The following NR2F2 variants were observed in gnomAD, a reference collection of about 807,000 sequenced individuals.
NR2F2 encodes the protein nuclear receptor subfamily 2 group F member 2.
Under a neutral mutation model 34.8 loss-of-function variants are expected in NR2F2, and 2 were observed. The ratio of observed to expected loss-of-function variants is 0.06; its 90% confidence interval spans 0.02 to 0.18. The LOEUF is 0.18. NR2F2 is among the 10% of genes least tolerant of loss of function. The pLI, the probability that NR2F2 is intolerant of heterozygous loss-of-function variation, is 1.00. For synonymous variants in NR2F2, 274 were observed against 251.8 expected (o/e 1.09, Z -0.84); for missense variants, 300 against 580.1 (o/e 0.52, Z 4.96).
rs1899249498 is a variant in NR2F2 at position 96,334,167 on chromosome 15, G to A, written c.534G>A (p.Leu178=). The A allele has an allele frequency of 1.2e-6, 2 of 1,614,114 alleles. No individual in the cohort carries two copies. Among genetic ancestry groups the A allele is most frequent in the Non-Finnish European group, 1.7e-6 (2 of 1,180,042 alleles). ...NGDPLNCHSY[L]SGYISLLLRA... ...ATCCCCTCAACTGCCACTCGTACCT[G>A]TCCGGATATATTTCCCTGCTGTTGC... is the stretch of plus-strand genomic sequence containing the variant. Residue 178 remains leucine (L), a synonymous_variant, in exon 2 of 3, where the codon CTG becomes CTA. Coordinates refer to ENST00000394166, the MANE Select transcript of NR2F2 (RefSeq NM_021005.4).
rs945329529 is a variant in NR2F2 at position 96,339,129 on chromosome 15, T to G, written c.*1507T>G. On this transcript the variant is annotated 3_prime_UTR_variant, in exon 3 of 3. Coordinates refer to ENST00000394166, the MANE Select transcript of NR2F2 (RefSeq NM_021005.4). Reference sequence around the variant, plus strand: ...AAAAGGCCCTTATATTTGTCACACTTAAGTGCCTGCTTAGGGAAGGTATTG... The same window carrying G: ...AAAAGGCCCTTATATTTGTCACACTGAAGTGCCTGCTTAGGGAAGGTATTG... 10 of 152,112 alleles carry G rather than the reference T, an allele frequency of 6.6e-5. No homozygotes were observed. The highest frequency in any genetic ancestry group is 5.9e-4 in the Admixed American group (9 of 15,272). The allele number at this position is 152,112 out of a possible 1,614,324, so 9.4% of individuals were successfully genotyped here.
chr15:96,331,068 G>C lies in NR2F2; in HGVS notation c.-1038G>C, dbSNP rs1899124167. The C allele has an allele frequency of 1.6e-6, 2 of 1,239,180 alleles. No homozygotes were observed. Among genetic ancestry groups the C allele is most frequent in the African/African-American group, 1.6e-5 (1 of 64,072 alleles). The allele number at this position is 1,239,180 out of a possible 1,614,324, so 76.8% of individuals were successfully genotyped here. The stretch of plus-strand genomic sequence containing the variant: ...GGCGGCGGCGGCAGCAGCAGCAGCA[G>C]CGGCTCCGGCGGCGGCAGCAGCGGC... On this transcript the variant is annotated 5_prime_UTR_variant, in exon 1 of 3. Transcript: ENST00000394166.
chr15:96,330,566 G>A (rs1225445765), upstream of NR2F2, among the ~76,000 whole-genome samples: 1 of 149,992 alleles, frequency 6.7e-6, no homozygotes, highest in African/African-American at 2.4e-5. Flanking sequence ...CGGCGAGGGG[G>A]CGGCGCGCGC....
chr15:96,334,013 G>A (rs888810868), intron 1 of NR2F2, 63 bp from the exon 2 acceptor site: 2 of 1,561,566 alleles, frequency 1.3e-6, no homozygotes, highest in Non-Finnish European at 8.7e-7. Flanking sequence ...GGCAGACCCC[G>A]CCGGGGAACC....
rs137861279 is a variant in NR2F2 at position 96,332,462 on chromosome 15, G to C, written c.357G>C (p.Arg119=). 219 of 1,614,076 alleles carry C rather than the reference G, an allele frequency of 1.4e-4. No homozygotes were observed. The highest frequency in any genetic ancestry group is 1.7e-4 in the Non-Finnish European group (201 of 1,180,040). Residue 119 remains arginine, a synonymous_variant, in exon 1 of 3, where the codon CGG becomes CGC. Transcript: ENST00000394166. ...RNLSYTCRAN[R]NCPIDQHHRN... Reference sequence around the variant, plus strand: ...TGAGCTACACGTGCCGCGCCAACCGGAACTGTCCCATCGACCAGCACCATC... The same window carrying C: ...TGAGCTACACGTGCCGCGCCAACCGCAACTGTCCCATCGACCAGCACCATC...
intron 1 of NR2F2, chr15:96,333,478 C>G (rs2141168239): frequency 1.0e-6 from 1 of 1,003,674 alleles, no homozygotes; most frequent in Non-Finnish European, 1.2e-6. Context: ...CGGCCTCTCT[C>G]TCTCCGCCCT....
intron 1 of NR2F2, among the ~76,000 whole-genome samples, chr15:96,332,928 G>GCTC (rs1899192306): frequency 3.1e-5 from 1 of 32,492 alleles, no homozygotes; most frequent in Admixed American, 3.8e-4. Flanking sequence ...CCTTTCCCCA[G>GCTC]CCCCCACCCT....
intron 2 of NR2F2, among the ~76,000 whole-genome samples, chr15:96,334,925 C>T (rs1596429126): frequency 6.6e-6 from 1 of 152,364 alleles, no homozygotes; most frequent in Non-Finnish European, 1.5e-5. Flanking sequence ...AGCCCAGGCC[C>T]CCCGGGCCTG....
chr15:96,327,967 A>C (rs1261311884), upstream of NR2F2, among the ~76,000 whole-genome samples: 1 of 152,252 alleles, frequency 6.6e-6, no homozygotes, highest in African/African-American at 2.4e-5. Flanking sequence ...AAAAAACAAC[A>C]ATAATATATT....
upstream of NR2F2, chr15:96,326,246 G>A (rs1898979192): frequency 7.8e-7 from 1 of 1,284,986 alleles, no homozygotes; most frequent in East Asian, 2.3e-5. This position sits in a 1 kb window ranked among gnomAD's most constrained non-coding sequence, Gnocchi z 5.5. Flanking sequence ...TCTTTTCAGG[G>A]GGCCAACAAA....
Position 96,331,105 on chromosome 15 carries a change from C to A in NR2F2, c.-1001C>A. On this transcript the variant is annotated 5_prime_UTR_variant, in exon 1 of 3. Coordinates refer to ENST00000394166, the MANE Select transcript of NR2F2 (RefSeq NM_021005.4). Reference sequence around the variant, plus strand: ...GCGGCAGCAGCGGCAGCAGCGACTTCAGCGGCGGCGGCGGCGCTAGACGCA... The same window carrying A: ...GCGGCAGCAGCGGCAGCAGCGACTTAAGCGGCGGCGGCGGCGCTAGACGCA... The A allele has an allele frequency of 8.3e-7, 1 of 1,211,170 alleles. No individual in the cohort carries two copies. Among genetic ancestry groups the A allele is most frequent in the African/African-American group, 1.6e-5 (1 of 62,940 alleles). The allele number at this position is 1,211,170 out of a possible 1,614,324, so 75.0% of individuals were successfully genotyped here. A position where few individuals can be genotyped will look rare whatever the true frequency, so the allele number is the denominator to read the frequency against.
chr15:96,333,274 G>A (rs1429037229), intron 1 of NR2F2: 2 of 922,136 alleles, frequency 2.2e-6, no homozygotes, highest in Non-Finnish European at 2.6e-6. Context: ...GGCGCGGGGC[G>A]CGGGCTCCGG....
intron 2 of NR2F2, 89 bp downstream of exon 2, chr15:96,334,692 G>A: frequency 7.0e-7 from 1 of 1,437,066 alleles, no homozygotes; most frequent in Non-Finnish European, 9.4e-7. Flanking sequence ...GGCAAACCCA[G>A]TCTGCTCCTT....
Position 96,331,110 on chromosome 15 carries a change from G to C in NR2F2, c.-996G>C. ...AGCAGCGGCAGCAGCGACTTCAGCG[G>C]CGGCGGCGGCGCTAGACGCAGCGGC... On this transcript the variant is annotated 5_prime_UTR_variant, in exon 1 of 3. Transcript: ENST00000394166. 8.3e-7 allele frequency: 1 copy of C among 1,202,394 alleles called. No individual in the cohort carries two copies. Among genetic ancestry groups the C allele is most frequent in the African/African-American group, 1.6e-5 (1 of 62,784 alleles). The allele number at this position is 1,202,394 out of a possible 1,614,324, so 74.5% of individuals were successfully genotyped here. A position where few individuals can be genotyped will look rare whatever the true frequency, so the allele number is the denominator to read the frequency against.
At chr15:96,326,500 C>A, upstream of NR2F2, 2 of 533,386 alleles carry the variant, frequency 3.7e-6, no homozygotes, top group South Asian at 2.3e-5. The surrounding 1 kb of genome is among the most constrained non-coding windows in gnomAD (Gnocchi z 5.5). Context: ...TTAAGGGGTT[C>A]GGGGAAGGGG....
intron 1 of NR2F2, chr15:96,333,669 C>T (rs1409795589): frequency 1.8e-6 from 2 of 1,094,478 alleles, no homozygotes; most frequent in Non-Finnish European, 2.2e-6. Flanking sequence ...TTTGCAAAAG[C>T]GCCTCACCCT....
Position 96,334,716 on chromosome 15 carries a change from G to C in NR2F2, c.970+113G>C, listed in dbSNP as rs1899269069. 2 of 1,177,882 alleles carry C rather than the reference G, an allele frequency of 1.7e-6. 1 individual carries two copies. The highest frequency in any genetic ancestry group is 4.0e-4 in the Middle Eastern group (2 of 4,970). 73.0% of individuals were successfully genotyped at this position (1,177,882 alleles called of 1,614,324 possible). On this transcript the variant is annotated intron_variant, in intron 2 of 2. Coordinates refer to ENST00000394166, the MANE Select transcript of NR2F2 (RefSeq NM_021005.4). ...AGTCTGCTCCTTGAAAGGCCAAACTGTTGAGTGCAACTTAAAGTGGGAACT... is the reference window on the plus strand; with the variant it reads ...AGTCTGCTCCTTGAAAGGCCAAACTCTTGAGTGCAACTTAAAGTGGGAACT...
Position 96,339,097 on chromosome 15 carries a change from A to G in NR2F2, c.*1475A>G, listed in dbSNP as rs1258748587. On this transcript the variant is annotated 3_prime_UTR_variant, in exon 3 of 3. Coordinates refer to ENST00000394166, the MANE Select transcript of NR2F2 (RefSeq NM_021005.4). ...TTTAATTAAAAATGGATTTTCCAGG[A>G]AAAAAAAAAAGGCCCTTATATTTGT... 1 of 142,544 alleles carries G rather than the reference A, an allele frequency of 7.0e-6. No individual in the cohort carries two copies. The highest frequency in any genetic ancestry group is 2.7e-5 in the African/African-American group (1 of 36,930). The allele number at this position is 142,544 out of a possible 1,614,324, so 8.8% of individuals were successfully genotyped here.
rs75102826 is a variant in NR2F2, at chr15:96,331,574, T to TTCCTCCTCC, written c.-513_-505dup. 7.4e-5 allele frequency: 88 copies of TTCCTCCTCC among 1,190,986 alleles called. No homozygotes were observed. The highest frequency in any genetic ancestry group is 6.3e-4 in the South Asian group (15 of 23,740). 73.8% of individuals were successfully genotyped at this position (1,190,986 alleles called of 1,614,324 possible). ...CCTCCTCCTTCACCACCACCTCCTC[T>TTCCTCCTCC]TCCTCCTCCTCCTCCTCCTCCTCCT... On this transcript the variant is annotated 5_prime_UTR_variant, in exon 1 of 3. Coordinates refer to ENST00000394166, the MANE Select transcript of NR2F2 (RefSeq NM_021005.4).
Sources: allele counts gnomAD v4.1 joint callset (sites outside exome capture counted in the v4.1 genomes callset), GRCh38; gene constraint gnomAD v4.1.1; non-coding constraint Gnocchi (gnomAD v3.1); transcripts MANE v1.5; gene names NCBI Gene and HGNC (gene_info 2026-07-23, HGNC 2026-07-21).